Variants in ADGRB3 observed in about 807,000 individuals in gnomAD.
ADGRB3 encodes the protein brain-specific angiogenesis inhibitor 3.
ADGRB3 carries 37 observed loss-of-function variants against 193.4 expected under a neutral mutation model. The ratio of observed to expected loss-of-function variants is 0.19; its 90% CI spans 0.15 to 0.25. The LOEUF is 0.25. Ranked by LOEUF, ADGRB3 falls within the 10% of genes least tolerant of loss-of-function variation. The probability of loss-of-function intolerance (pLI) is 1.00; values close to 1 mark genes in which losing one functional copy is unlikely to be tolerated. For synonymous variants in ADGRB3, 690 were observed against 644.2 expected (o/e 1.07, Z -1.08); for missense variants, 1,637 against 1,852.9 (o/e 0.88, Z 2.14).
At chr6:69,263,864 A>G (rs1428870558) in intron 20 of ADGRB3, among the ~76,000 whole-genome samples, 1 of 152,016 alleles carries the variant, frequency 6.6e-6, no homozygotes. Context: ...AAGCAAATAC[A>G]GTGATTAGCA....
At chr6:69,284,528 G>A (rs1767507769) in intron 20 of ADGRB3, among the ~76,000 whole-genome samples, 1 of 151,968 alleles carries the variant, frequency 6.6e-6, no homozygotes, top group East Asian at 1.9e-4. Context: ...AGATCCCAAA[G>A]GCATCACATA....
chr6:68,958,474 C>CT (rs1443382092), intron 8 of ADGRB3, among the ~76,000 whole-genome samples: 1 of 151,988 alleles, frequency 6.6e-6, no homozygotes, highest in South Asian at 2.1e-4. Flanking sequence ...TACCACAGTT[C>CT]TTAACTGGTC....
rs577546835 is a variant in ADGRB3, at chr6:69,378,726, T to C, written c.4276-4105T>C. ...AAGTGATACAACTGAGGTCTAAATA[T>C]ACATTTCTCTAGATCCAACTTGGAG... On this transcript the variant is annotated intron_variant, in intron 30 of 31. Transcript: ENST00000370598. Among the ~76,000 whole-genome samples the C allele has an allele frequency of 6.6e-5, 10 of 152,154 alleles. No homozygotes were observed. In the South Asian group the frequency reaches 2.1e-3, roughly 31 times the overall value.
intron 3 of ADGRB3, among the ~76,000 whole-genome samples, chr6:68,762,497 T>TAG (rs1288219248): frequency 2.5e-4 from 38 of 150,652 alleles, no homozygotes; most frequent in Non-Finnish European, 3.6e-4. Context: ...TATATATATA[T>TAG]AGAGAGAGAG....
At chr6:69,080,590 G>A (rs1772358491) in intron 17 of ADGRB3, among the ~76,000 whole-genome samples, 1 of 151,836 alleles carries the variant, frequency 6.6e-6, no homozygotes, top group South Asian at 2.1e-4. Context: ...ATTGTTTGGA[G>A]AGAAATGTGG....
At chr6:68,837,653 T>C (rs1021018877) in intron 3 of ADGRB3, among the ~76,000 whole-genome samples, 3 of 152,152 alleles carry the variant, frequency 2.0e-5, no homozygotes, top group East Asian at 1.9e-4. Context: ...GCTGAAGAAA[T>C]AGATATGGGC....
intron 20 of ADGRB3, among the ~76,000 whole-genome samples, chr6:69,270,735 C>T (rs141040791): frequency 4.5e-4 from 68 of 152,290 alleles, no homozygotes; most frequent in Non-Finnish European, 7.6e-4. Context: ...ATTCTACTCA[C>T]TACCCTGCTG....
chr6:69,021,334 C>G (rs988793241), intron 13 of ADGRB3, among the ~76,000 whole-genome samples: 4 of 151,694 alleles, frequency 2.6e-5, no homozygotes, highest in Admixed American at 6.6e-5. Flanking sequence ...ATAGTACACT[C>G]CTGAAGGAAG....
chr6:68,640,614 G>A (rs1768064060), intron 3 of ADGRB3, among the ~76,000 whole-genome samples: 1 of 152,174 alleles, frequency 6.6e-6, no homozygotes, highest in African/African-American at 2.4e-5. Context: ...AACTCCAGTC[G>A]CCAAGCTCCA....
intron 3 of ADGRB3, among the ~76,000 whole-genome samples, chr6:68,857,602 T>C (rs115401392): frequency 5.8e-4 from 88 of 152,332 alleles, no homozygotes; most frequent in African/African-American, 2.0e-3. Context: ...GCATTGTATC[T>C]AGGAAGTAAC....
At chr6:69,078,193 AT>A (rs1222251895) in intron 17 of ADGRB3, among the ~76,000 whole-genome samples, 1 of 151,958 alleles carries the variant, frequency 6.6e-6, no homozygotes, top group Non-Finnish European at 1.5e-5. Flanking sequence ...TTGTGCTTTA[AT>A]TTTGGTTTAT....
intron 3 of ADGRB3, among the ~76,000 whole-genome samples, chr6:68,915,132 C>T (rs1234318718): frequency 1.3e-5 from 2 of 152,094 alleles, no homozygotes; most frequent in African/African-American, 2.4e-5. Context: ...AACTATATGT[C>T]CTTATACTTG....
At chr6:68,696,920 G>T (rs1331825722) in intron 3 of ADGRB3, among the ~76,000 whole-genome samples, 1 of 151,914 alleles carries the variant, frequency 6.6e-6, no homozygotes, top group East Asian at 1.9e-4. Flanking sequence ...TGATTCCATT[G>T]TGCAAATGTC....
intron 3 of ADGRB3, among the ~76,000 whole-genome samples, chr6:68,841,498 C>T (rs1041472768): frequency 2.0e-4 from 30 of 151,974 alleles, no homozygotes; most frequent in African/African-American, 6.8e-4. Context: ...ACAATATGCT[C>T]CTGAATGACC....
intron 3 of ADGRB3, among the ~76,000 whole-genome samples, chr6:68,930,200 A>C (rs1767300577): frequency 6.6e-6 from 1 of 152,068 alleles, no homozygotes; most frequent in Non-Finnish European, 1.5e-5. Context: ...AAAGAAGCAG[A>C]TGCAACTAAG....
intron 6 of ADGRB3, among the ~76,000 whole-genome samples, chr6:68,951,384 A>G (rs62418274): frequency 0.14 from 21,488 of 151,960 alleles, 1,968 homozygotes; most frequent in Non-Finnish European, 0.21. Flanking sequence ...TCCCTATCAC[A>G]TCGCCCTCTT....
intron 17 of ADGRB3, among the ~76,000 whole-genome samples, chr6:69,098,659 C>A (rs1772951619): frequency 1.3e-5 from 2 of 152,120 alleles, no homozygotes; most frequent in Non-Finnish European, 2.9e-5. Flanking sequence ...CCAAATGCCT[C>A]CTACCAGGCC....
At chr6:68,812,061 G>C (rs572975509) in intron 3 of ADGRB3, among the ~76,000 whole-genome samples, 1 of 152,282 alleles carries the variant, frequency 6.6e-6, no homozygotes, top group East Asian at 1.9e-4. Flanking sequence ...AATTTGAACA[G>C]GGTCACAGAG....
chr6:68,939,058 G>GAGACCACTTCTC, intron 5 of ADGRB3, among the ~76,000 whole-genome samples: 2 of 152,216 alleles, frequency 1.3e-5, no homozygotes, highest in African/African-American at 4.8e-5. Context: ...ACATATGAAA[G>GAGACCACTTCTC]TTGCCTTCCT....
Sources: allele counts gnomAD v4.1 joint callset (sites outside exome capture counted in the v4.1 genomes callset), GRCh38; gene constraint gnomAD v4.1.1; transcripts MANE v1.5; gene names NCBI Gene and HGNC (gene_info 2026-07-23, HGNC 2026-07-21).